The following GPRIN2 variants were observed in gnomAD, a reference collection of about 807,000 sequenced individuals.
GPRIN2 encodes the protein G protein-regulated inducer of neurite outgrowth 2.
Under a neutral mutation model 0.3 loss-of-function variants are expected in GPRIN2, and 1 was observed. The ratio of observed to expected loss-of-function variants is 3.90; its 90% CI spans 1.39 to 18.51. The LOEUF is 18.51. Among genes scored for constraint, GPRIN2 ranks in the 30% most tolerant of loss-of-function variants. GPRIN2 has a pLI of 0.11. For missense variants in GPRIN2, 880 were observed against 604.2 expected, an observed-to-expected ratio of 1.46 and a Z score of -4.79; for synonymous variants, 361 against 258.6, an observed-to-expected ratio of 1.40 and a Z score of -3.80.
chr10:46,551,355 C>G, intron 2 of GPRIN2: 1 of 979,194 alleles, frequency 1.0e-6, no homozygotes, highest in Non-Finnish European at 1.2e-6. Context: ...CACAACCACC[C>G]CCATCCTCCT....
Position 46,544,346 on chromosome 10 carries a change from C to T in GPRIN2, c.*5014G>A, listed in dbSNP as rs1341025440. 3.3e-5 allele frequency among the ~76,000 whole-genome samples: 5 copies of T among 152,306 alleles called. No homozygotes were observed. The highest frequency in any genetic ancestry group is 1.2e-4 in the African/African-American group (5 of 41,486). Reference sequence around the variant, plus strand: ...TTCTTGTCTTTTTCTTTTTTTGAAACAGGGTCTGGCTCCGTCATCCAGGCT... The same window carrying T: ...TTCTTGTCTTTTTCTTTTTTTGAAATAGGGTCTGGCTCCGTCATCCAGGCT... On this transcript the variant is annotated 3_prime_UTR_variant, in exon 3 of 3. Transcript: ENST00000374314.
intron 1 of GPRIN2, among the ~76,000 whole-genome samples, chr10:46,555,911 C>T (rs1332003666): frequency 6.6e-6 from 1 of 152,310 alleles, no homozygotes; most frequent in Non-Finnish European, 1.5e-5. Context: ...GCACAGGCCG[C>T]CCCTGCTGCG....
Position 46,549,792 on chromosome 10 carries a change from G to T in GPRIN2, c.945C>A (p.Thr315=), listed in dbSNP as rs1832587615. 3.7e-6 allele frequency: 6 copies of T among 1,614,192 alleles called. No individual in the cohort carries two copies. Among genetic ancestry groups the T allele is most frequent in the Middle Eastern group, 3.3e-4 (2 of 6,060 alleles). The change falls in exon 3 of 3, where the codon ACC becomes ACA. Residue 315 remains threonine (T), a synonymous_variant. Transcript: ENST00000374314. ...EPGSRTKDVW[T]MTSANDLAPA... The stretch of plus-strand genomic sequence containing the variant: ...GGGCCAAGTCATTGGCTGAGGTCAT[G>T]GTCCACACATCTTTGGTCCTAGAGC...
upstream of GPRIN2, among the ~76,000 whole-genome samples, chr10:46,557,090 T>C (rs1002334957): frequency 3.4e-5 from 5 of 145,774 alleles, no homozygotes; most frequent in African/African-American, 5.0e-5. Flanking sequence ...CGCCGGCGGC[T>C]ACCCCTTTCC....
chr10:46,551,430 G>A (rs1832190344), intron 2 of GPRIN2: 8 of 985,534 alleles, frequency 8.1e-6, no homozygotes, highest in East Asian at 1.1e-4. Flanking sequence ...AGCTCCAGGG[G>A]CAAGGAGAGG....
rs1842573022 is a variant in GPRIN2 at position 46,551,273 on chromosome 10, G to A, written c.-6-531C>T. 6.4e-6 allele frequency: 3 copies of A among 468,624 alleles called. No individual in the cohort carries two copies. In the South Asian group the frequency reaches 2.8e-4, roughly 43 times the overall value. 29.0% of individuals were successfully genotyped at this position (468,624 alleles called of 1,614,324 possible). On this transcript the variant is annotated intron_variant, in intron 2 of 2. Coordinates refer to ENST00000374314, the MANE Select transcript of GPRIN2 (RefSeq NM_001385282.1). ...GTGGACAGGGTCTCCTTGGTACAGAGTGGGAGCTCAGAGAAAGTTCACAGG... is the reference window on the plus strand; with the variant it reads ...GTGGACAGGGTCTCCTTGGTACAGAATGGGAGCTCAGAGAAAGTTCACAGG...
chr10:46,545,098 A>G lies in GPRIN2; in HGVS notation c.*4262T>C, dbSNP rs1842038825. On this transcript the variant is annotated 3_prime_UTR_variant, in exon 3 of 3. Transcript: ENST00000374314. ...CTAACCAAGGCTGCTTGGCGTGAAC[A>G]AAACTGAGACAGAGCAATGCATGGA... is the stretch of plus-strand genomic sequence containing the variant. 6.6e-6 allele frequency among the ~76,000 whole-genome samples: 1 copy of G among 152,304 alleles called. No individual in the cohort carries two copies. Among genetic ancestry groups the G allele is most frequent in the African/African-American group, 2.4e-5 (1 of 41,488 alleles).
At position 46,550,499 on chromosome 10, in the gene GPRIN2, G is replaced by C. The variant is rs1832349857; in HGVS notation, c.238C>G (p.Pro80Ala). 1 of 1,607,196 alleles carries C rather than the reference G, an allele frequency of 6.2e-7. No individual in the cohort carries two copies. Among genetic ancestry groups the C allele is most frequent in the South Asian group, 1.1e-5 (1 of 90,572 alleles). The change falls in exon 3 of 3, where the codon CCC becomes GCC. Residue 80 changes from proline to alanine, a missense_variant. By Grantham distance (27) the Pro-to-Ala change is conservative. Transcript: ENST00000374314. ...ESMKPARASG[P>A]KARPSAGGHW... ...CCTCCAGCACTGGGTCGCGCCTTGG[G>C]GCCAGAGGCCCGTGCTGGCTTCATG...
Position 46,550,350 on chromosome 10 carries a change from C to T in GPRIN2, c.387G>A (p.Gln129=). The T allele has an allele frequency of 6.2e-7, 1 of 1,612,984 alleles. No individual in the cohort carries two copies. Among genetic ancestry groups the T allele is most frequent in the South Asian group, 1.1e-5 (1 of 91,046 alleles). The change falls in exon 3 of 3, where the codon CAG becomes CAA. Residue 129 remains glutamine, a synonymous_variant. Transcript: ENST00000374314. The stretch of plus-strand genomic sequence containing the variant: ...TCCGAGCACCACTGTGTCCCCGCAT[C>T]TGGGTGCTACGGACCAGGTCTGAAT... ...RSHSDLVRST[Q]MRGHSGARKA...
chr10:46,556,173 T>C (rs983310185), intron 1 of GPRIN2, among the ~76,000 whole-genome samples: 3 of 152,230 alleles, frequency 2.0e-5, no homozygotes, highest in Non-Finnish European at 4.4e-5. Context: ...CGCAGTAGGC[T>C]GAGGGAGGGG....
intron 2 of GPRIN2, among the ~76,000 whole-genome samples, chr10:46,550,951 C>A (rs1295863336): frequency 1.3e-5 from 2 of 152,306 alleles, no homozygotes; most frequent in Non-Finnish European, 2.9e-5. Context: ...ACAAGGATGA[C>A]ACTGCAAATT....
Position 46,556,506 on chromosome 10 carries a change from C to T in GPRIN2, c.-126G>A, listed in dbSNP as rs1158819323. ...CGGAGCCAGCCTCTCACCCTCTCGC[C>T]CGCCGGGGCCGCGCAGGCGGGGGAA... On this transcript the variant is annotated 5_prime_UTR_variant, in exon 1 of 3. Coordinates refer to ENST00000374314, the MANE Select transcript of GPRIN2 (RefSeq NM_001385282.1). Among the ~76,000 whole-genome samples, 297 of 152,240 alleles carry T rather than the reference C, an allele frequency of 2.0e-3. 1 individual carries two copies. The highest frequency in any genetic ancestry group is 6.8e-3 in the African/African-American group (282 of 41,456).
At position 46,550,224 on chromosome 10, in the gene GPRIN2, G is replaced by T; in HGVS notation, c.513C>A (p.Gly171=). The change falls in exon 3 of 3, where the codon GGC becomes GGA. Residue 171 remains glycine (G), a synonymous_variant. Coordinates refer to ENST00000374314, the MANE Select transcript of GPRIN2 (RefSeq NM_001385282.1). ...CCTCAGGAGCCAGGTCCCTTTCCAG[G>T]CCTGCAGGGGCCTGGCCACCCTGGC... ...TSGQGGQAPA[G]LERDLAPEDE... is the part of the protein sequence containing the mutation. The T allele has an allele frequency of 6.2e-7, 1 of 1,604,258 alleles. No homozygotes were observed. Among genetic ancestry groups the T allele is most frequent in the Non-Finnish European group, 8.5e-7 (1 of 1,174,666 alleles).
Position 46,550,560 on chromosome 10 carries a change from G to T in GPRIN2, c.177C>A (p.Pro59=), listed in dbSNP as rs1832324648. ...QAQLGEASTR[P]QAPEEEGNPP... is the part of the protein sequence containing the mutation. ...GGTTCCCCTCTTCCTCCGGGGCCTG[G>T]GGTCTGGTGCTGGCCTCGCCCAGCT... The change falls in exon 3 of 3, where the codon CCC becomes CCA. Residue 59 remains proline, a synonymous_variant. Transcript: ENST00000374314. 2 of 1,587,566 alleles carry T rather than the reference G, an allele frequency of 1.3e-6. No individual in the cohort carries two copies. Among genetic ancestry groups the T allele is most frequent in the African/African-American group, 2.7e-5 (2 of 74,394 alleles).
At chr10:46,557,567 T>G (rs1264482305), upstream of GPRIN2, among the ~76,000 whole-genome samples, 1 of 152,302 alleles carries the variant, frequency 6.6e-6, no homozygotes, top group Non-Finnish European at 1.5e-5. Context: ...GGAGCCCGCC[T>G]TCTTCTCCGC....
intron 1 of GPRIN2, among the ~76,000 whole-genome samples, chr10:46,555,150 T>C (rs991226086): frequency 2.0e-5 from 3 of 152,306 alleles, no homozygotes; most frequent in Admixed American, 6.5e-5. Context: ...TTTCGCCATG[T>C]TGGCCAGGCT....
In GPRIN2 at chr10:46,549,472, G is replaced by T. The variant is rs1832707225; in HGVS notation, c.1265C>A (p.Pro422His). 3 of 1,610,478 alleles carry T rather than the reference G, an allele frequency of 1.9e-6. No individual in the cohort carries two copies. The highest frequency in any genetic ancestry group is 2.5e-6 in the Non-Finnish European group (3 of 1,178,346). The change falls in exon 3 of 3, where the codon CCC becomes CAC. Residue 422 changes from proline to histidine, a missense_variant. Pro to His is a moderately conservative substitution (Grantham distance 77, BLOSUM62 -2). Transcript: ENST00000374314. ...EMQFEQLQRA[P>H]ASEDSLSVEG... ...CACAGACAGGCTGTCCTCGCTGGCG[G>T]GCGCCCGCTGCAGCTGCTCAAACTG...
At position 46,551,375 on chromosome 10, in the gene GPRIN2, CT is replaced by C. The variant is rs1832195980; in HGVS notation, c.-6-634del. 113 of 985,018 alleles carry C rather than the reference CT, an allele frequency of 1.1e-4. No individual in the cohort carries two copies. The African/African-American group carries it at 1.9e-3, about 17-fold the overall frequency. The allele number at this position is 985,018 out of a possible 1,614,324, so 61.0% of individuals were successfully genotyped here. A position where few individuals can be genotyped will look rare whatever the true frequency, so the allele number is the denominator to read the frequency against. The stretch of plus-strand genomic sequence containing the variant: ...CCACCCCCATCCTCCTTGGCCTAGC[CT>C]TGCTGAGCTGGCATGTCTCTGGGGT... On this transcript the variant is annotated intron_variant, in intron 2 of 2. Coordinates refer to ENST00000374314, the MANE Select transcript of GPRIN2 (RefSeq NM_001385282.1).
At position 46,545,290 on chromosome 10, in the gene GPRIN2, C is replaced by T. The variant is rs948684606; in HGVS notation, c.*4070G>A. 7.5e-4 allele frequency among the ~76,000 whole-genome samples: 115 copies of T among 152,354 alleles called. No homozygotes were observed. The highest frequency in any genetic ancestry group is 2.6e-3 in the African/African-American group (108 of 41,538). ...GAAACCTACCCTGGGGCTCCTAGAG[C>T]TTCCTAGCCTGCCTGCCAGAGAGCA... On this transcript the variant is annotated 3_prime_UTR_variant, in exon 3 of 3. Transcript: ENST00000374314.
Sources: allele counts gnomAD v4.1 joint callset (sites outside exome capture counted in the v4.1 genomes callset), GRCh38; gene constraint gnomAD v4.1.1; transcripts MANE v1.5; gene names NCBI Gene and HGNC (gene_info 2026-07-23, HGNC 2026-07-21).